NEDD9: variants seen among roughly 807,000 people sequenced by gnomAD.
The protein encoded by NEDD9 is neural precursor cell expressed, developmentally down-regulated 9.
A neutral mutation model predicts 76.6 loss-of-function variants in NEDD9; 26 were observed. The observed-to-expected ratio is 0.34, with a 90% CI of 0.25 to 0.47. The LOEUF (loss-of-function observed/expected upper bound fraction) is 0.47, where lower values mean the gene tolerates loss of function less well. Among genes scored for constraint, NEDD9 ranks in the 20% least tolerant of loss-of-function variants. The pLI is 1.00. For missense variants in NEDD9, 937 were observed against 1,058.5 expected, an observed-to-expected ratio of 0.89 and a Z score of 1.59; for synonymous variants, 392 against 414.2, an observed-to-expected ratio of 0.95 and a Z score of 0.65.
intron 1 of NEDD9, among the ~76,000 whole-genome samples, chr6:11,223,053 T>G (rs1759193412): frequency 1.3e-5 from 2 of 152,226 alleles, no homozygotes; most frequent in Admixed American, 1.3e-4. Context: ...CGTGTGTTAC[T>G]GGCATCTAGT....
At chr6:11,210,658 C>T (rs971692507) in intron 2 of NEDD9, among the ~76,000 whole-genome samples, 3 of 149,294 alleles carry the variant, frequency 2.0e-5, no homozygotes, top group African/African-American at 7.4e-5. Flanking sequence ...AAAGCAGTTG[C>T]AATTGCCTGG....
At chr6:11,378,165 C>T (rs529217778) in intron 1 of NEDD9, among the ~76,000 whole-genome samples, 1 of 152,278 alleles carries the variant, frequency 6.6e-6, no homozygotes, top group African/African-American at 2.4e-5. Context: ...ATCACTTGAA[C>T]CCAGGAAGTG....
intron 2 of NEDD9, among the ~76,000 whole-genome samples, chr6:11,204,877 G>A (rs1181438961): frequency 1.3e-5 from 2 of 152,128 alleles, no homozygotes; most frequent in African/African-American, 4.8e-5. Context: ...AGCCCACTCT[G>A]AAACTGCCCA....
At chr6:11,330,582 C>T (rs1418861503) in intron 2 of NEDD9, among the ~76,000 whole-genome samples, 1 of 152,126 alleles carries the variant, frequency 6.6e-6, no homozygotes, top group Non-Finnish European at 1.5e-5. Flanking sequence ...TCAGCATTCT[C>T]ATCAGACTCA....
At chr6:11,201,093 G>A in intron 2 of NEDD9, 1 of 1,611,146 alleles carries the variant, frequency 6.2e-7, no homozygotes, top group Non-Finnish European at 8.5e-7. Context: ...CTCACATTGT[G>A]TCACTTGTTC....
At chr6:11,310,922 C>T (rs956027277) in intron 2 of NEDD9, among the ~76,000 whole-genome samples, 6 of 152,132 alleles carry the variant, frequency 3.9e-5, no homozygotes, top group Admixed American at 2.6e-4. Flanking sequence ...CTTTTTCCTT[C>T]CCTCATCCTT....
chr6:11,235,572 G>A (rs1159398396), upstream of NEDD9, among the ~76,000 whole-genome samples: 2 of 152,150 alleles, frequency 1.3e-5, no homozygotes, highest in South Asian at 4.1e-4. The surrounding 1 kb of genome is among the most constrained non-coding windows in gnomAD (Gnocchi z 4.1). Flanking sequence ...AATTAAGCAG[G>A]GAAAATTGCT....
chr6:11,223,639 G>A (rs1293440825), intron 1 of NEDD9, among the ~76,000 whole-genome samples: 1 of 152,164 alleles, frequency 6.6e-6, no homozygotes, highest in Admixed American at 6.5e-5. Flanking sequence ...AATAAGGGAG[G>A]CAGGAGGCTT....
At chr6:11,246,461 C>T (rs1262788848) in intron 3 of NEDD9, among the ~76,000 whole-genome samples, 2 of 152,230 alleles carry the variant, frequency 1.3e-5, no homozygotes, top group African/African-American at 4.8e-5. Flanking sequence ...CACCAGTTAC[C>T]TGGCAGGGCA....
intron 1 of NEDD9, among the ~76,000 whole-genome samples, chr6:11,337,699 G>T (rs1388961417): frequency 6.6e-6 from 1 of 152,190 alleles, no homozygotes; most frequent in Non-Finnish European, 1.5e-5. Flanking sequence ...GCAGTATCGG[G>T]CATCAGTAGG....
At chr6:11,227,404 G>A (rs144779301) in intron 1 of NEDD9, among the ~76,000 whole-genome samples, 2 of 152,134 alleles carry the variant, frequency 1.3e-5, no homozygotes, top group Non-Finnish European at 2.9e-5. Flanking sequence ...CCAGGTCTTC[G>A]AATAGTATGA....
intron 2 of NEDD9, among the ~76,000 whole-genome samples, chr6:11,203,793 C>T (rs904032427): frequency 3.9e-5 from 6 of 152,162 alleles, no homozygotes; most frequent in Non-Finnish European, 7.4e-5. Context: ...CAGCACACTC[C>T]AGTCCCTGCC....
intron 1 of NEDD9, among the ~76,000 whole-genome samples, chr6:11,376,339 A>G (rs558034114): frequency 6.6e-6 from 1 of 152,330 alleles, no homozygotes; most frequent in East Asian, 1.9e-4. Flanking sequence ...AAAGTTTGGA[A>G]CTTCTTAGAG....
intron 3 of NEDD9, among the ~76,000 whole-genome samples, chr6:11,297,020 C>T (rs563051516): frequency 2.0e-5 from 3 of 152,334 alleles, no homozygotes; most frequent in African/African-American, 2.4e-5. Context: ...TGAGCCACCA[C>T]GCCCAGCCGA....
In NEDD9 at chr6:11,184,798, A is replaced by G. The variant is rs1289605844; in HGVS notation, c.*364T>C. On this transcript the variant is annotated 3_prime_UTR_variant, in exon 7 of 7. Coordinates refer to ENST00000379446, the MANE Select transcript of NEDD9 (RefSeq NM_006403.4). ...TTTTTAACAACAACAAAAAAAATGC[A>G]GCATTAGAAGGTGCTTACTAAGGTG... The G allele has an allele frequency of 5.9e-6, 1 of 170,392 alleles. No homozygotes were observed. The highest frequency in any genetic ancestry group is 2.4e-5 in the African/African-American group (1 of 41,800). 10.6% of individuals were successfully genotyped at this position (170,392 alleles called of 1,614,324 possible). A position where few individuals can be genotyped will look rare whatever the true frequency, so the allele number is the denominator to read the frequency against.
intron 2 of NEDD9, among the ~76,000 whole-genome samples, chr6:11,317,423 T>G (rs1168975772): frequency 7.1e-6 from 1 of 141,306 alleles, no homozygotes; most frequent in African/African-American, 2.7e-5. Context: ...CTCAAAAAAA[T>G]AAATTAAAAA....
chr6:11,267,437 A>G (rs1187067122), intron 3 of NEDD9, among the ~76,000 whole-genome samples: 1 of 151,960 alleles, frequency 6.6e-6, no homozygotes, highest in African/African-American at 2.4e-5. Context: ...GTTCCCAAGT[A>G]TCTTTTCATA....
chr6:11,305,453 T>G (rs1426881021), intron 3 of NEDD9: 1 of 214,776 alleles, frequency 4.7e-6, no homozygotes, highest in Non-Finnish European at 9.5e-6. Context: ...TAGGTAAAAT[T>G]ACATATCATT....
rs200305234 is a variant in NEDD9, at chr6:11,298,132, TC to T, written c.12+7859del. On this transcript the variant is annotated intron_variant, in intron 3 of 3. Coordinates refer to the NEDD9 transcript ENST00000397378. ...TCTGTTGGTCAGGCTGCTCTCGAAC[TC>T]CTGACCTCAACTTATCTGCCCGCCT... Among the ~76,000 whole-genome samples, 116 of 152,218 alleles carry T rather than the reference TC, an allele frequency of 7.6e-4. 3 individuals are homozygous for T. The highest frequency in any genetic ancestry group is 2.6e-3 in the African/African-American group (107 of 41,520).
Sources: gnomAD v4.1 joint callset for allele counts (sites outside exome capture counted in the v4.1 genomes callset) on GRCh38, gnomAD v4.1.1 for gene constraint, Gnocchi (gnomAD v3.1) non-coding constraint, MANE v1.5 for transcripts, NCBI Gene and HGNC (gene_info 2026-07-23, HGNC 2026-07-21) for gene names.